RBBP4: variants seen among roughly 807,000 people sequenced by gnomAD.
RBBP4 encodes histone-binding protein RBBP4.
Under a neutral mutation model 57.2 loss-of-function variants are expected in RBBP4, and 3 were observed. That is an observed-to-expected ratio of 0.05 (90% CI 0.02 to 0.14). The LOEUF is 0.14. Ranked by LOEUF, RBBP4 falls within the 10% of genes least tolerant of loss-of-function variation. RBBP4 has a pLI of 1.00. For synonymous variants in RBBP4, 151 were observed against 171.5 expected (o/e 0.88, Z 0.93); for missense variants, 107 against 520.6 (o/e 0.21, Z 7.73).
intron 2 of RBBP4, among the ~76,000 whole-genome samples, chr1:32,653,642 T>TTTG (rs1557849798): frequency 5.0e-5 from 1 of 20,200 alleles, no homozygotes; most frequent in African/African-American, 1.1e-4. Context: ...TTCTGGTTTT[T>TTTG]TTTTTTTTTT....
At chr1:32,658,939 ATAT>A (rs1305985658) in intron 3 of RBBP4, among the ~76,000 whole-genome samples, 5 of 7,220 alleles carry the variant, frequency 6.9e-4, no homozygotes, top group Non-Finnish European at 0.022. Context: ...TTATATTTAT[ATAT>A]AAACATACGT....
At chr1:32,674,443 A>G (rs1649008943) in intron 11 of RBBP4, among the ~76,000 whole-genome samples, 1 of 152,110 alleles carries the variant, frequency 6.6e-6, no homozygotes, top group Non-Finnish European at 1.5e-5. Context: ...CATGTTGGCC[A>G]GTCTGGTCTT....
chr1:32,666,123 A>C (rs1330682577), intron 3 of RBBP4, among the ~76,000 whole-genome samples: 1 of 152,192 alleles, frequency 6.6e-6, no homozygotes, highest in Non-Finnish European at 1.5e-5. Context: ...GGGTGTAGCA[A>C]AATGGAACTG....
chr1:32,657,265 G>A (rs989576574), intron 2 of RBBP4, among the ~76,000 whole-genome samples, 162 bp from the exon 3 acceptor site: 1 of 152,112 alleles, frequency 6.6e-6, no homozygotes, highest in Non-Finnish European at 1.5e-5. Context: ...GAAAGAGTGA[G>A]ACTCTATTTA....
At chr1:32,673,947 A>C (rs1275984922) in intron 11 of RBBP4, among the ~76,000 whole-genome samples, 2 of 151,984 alleles carry the variant, frequency 1.3e-5, no homozygotes, top group African/African-American at 4.8e-5. Flanking sequence ...AAATACAAAA[A>C]AAAATTAGCC....
At chr1:32,674,531 A>C (rs6681759) in intron 11 of RBBP4, among the ~76,000 whole-genome samples, 4 of 150,982 alleles carry the variant, frequency 2.6e-5, no homozygotes, top group South Asian at 2.1e-4. Flanking sequence ...CCCGCCCCCC[A>C]CTTTTTTTTG....
intron 3 of RBBP4, among the ~76,000 whole-genome samples, chr1:32,666,891 A>G (rs1648676949): frequency 6.6e-6 from 1 of 152,238 alleles, no homozygotes. Flanking sequence ...AATATAACCA[A>G]GGAATAACCG....
At chr1:32,651,749 G>GT (rs1394094590) in intron 1 of RBBP4, 165 bp from the exon 2 acceptor site, 1 of 909,578 alleles carries the variant, frequency 1.1e-6, no homozygotes, top group Non-Finnish European at 1.6e-6. Context: ...GGCCCGAGGA[G>GT]TTTCGGCGCC....
At chr1:32,667,427 T>C (rs966446795) in intron 3 of RBBP4, among the ~76,000 whole-genome samples, 2 of 152,136 alleles carry the variant, frequency 1.3e-5, no homozygotes, top group Non-Finnish European at 2.9e-5. Context: ...TATCAATCAC[T>C]TGGACGACTC....
chr1:32,651,671 A>G (rs945450015), intron 1 of RBBP4: 1 of 733,656 alleles, frequency 1.4e-6, no homozygotes, highest in African/African-American at 1.8e-5. Context: ...TTCGGCGCGC[A>G]CGAGCGTGCT....
intron 3 of RBBP4, among the ~76,000 whole-genome samples, chr1:32,665,087 CTTAT>C (rs755275906): frequency 1.3e-4 from 20 of 152,190 alleles, no homozygotes; most frequent in Non-Finnish European, 2.5e-4. Flanking sequence ...GGGAAAAAAA[CTTAT>C]GTGTGACGCA....
intron 2 of RBBP4, among the ~76,000 whole-genome samples, chr1:32,655,652 A>G (rs1297719202): frequency 6.6e-6 from 1 of 152,070 alleles, no homozygotes; most frequent in Non-Finnish European, 1.5e-5. Context: ...TCCCTGGTAT[A>G]TCTTACTGGC....
At chr1:32,676,206 G>T (rs1426143120) in intron 11 of RBBP4, among the ~76,000 whole-genome samples, 2 of 152,136 alleles carry the variant, frequency 1.3e-5, no homozygotes, top group African/African-American at 2.4e-5. Flanking sequence ...TACGGTTAGG[G>T]TTATAAGATA....
chr1:32,667,524 G>A (rs1648706498), intron 3 of RBBP4, among the ~76,000 whole-genome samples: 1 of 152,126 alleles, frequency 6.6e-6, no homozygotes. Flanking sequence ...TCTGCGTCTT[G>A]GTGGTAGTGG....
At chr1:32,652,255 T>C (rs1187700551) in intron 2 of RBBP4, 194 bp downstream of exon 2, 6 of 623,616 alleles carry the variant, frequency 9.6e-6, no homozygotes, top group Non-Finnish European at 1.6e-5. Context: ...AGAAAACATA[T>C]TGGCGTTTTT....
intron 11 of RBBP4, among the ~76,000 whole-genome samples, chr1:32,674,054 T>C (rs1406891924): frequency 2.6e-5 from 4 of 152,098 alleles, no homozygotes; most frequent in Non-Finnish European, 5.9e-5. Flanking sequence ...TGAGCCAAGA[T>C]TGCGTCACTG....
At chr1:32,672,322 CGT>C (rs1026409684) in intron 8 of RBBP4, 126 bp from the exon 9 acceptor site, 2 of 723,464 alleles carry the variant, frequency 2.8e-6, no homozygotes, top group African/African-American at 3.6e-5. Flanking sequence ...TTAACTGTAA[CGT>C]GTATAATACC....
chr1:32,668,469 T>A, intron 4 of RBBP4, 71 bp downstream of exon 4: 1 of 1,384,736 alleles, frequency 7.2e-7, no homozygotes, highest in East Asian at 2.3e-5. Flanking sequence ...ACTGTGAGTT[T>A]AATTGCATGT....
At position 32,661,929 on chromosome 1, in the gene RBBP4, A is replaced by G. The variant is rs184664506; in HGVS notation, c.310+4357A>G. 3.3e-3 allele frequency among the ~76,000 whole-genome samples: 349 copies of G among 107,184 alleles called. 1 individual carries two copies. Among genetic ancestry groups the G allele is most frequent in the African/African-American group, 0.013 (335 of 26,746 alleles). 70.3% of individuals were successfully genotyped at this position (107,184 alleles called of 152,430 possible). On this transcript the variant is annotated intron_variant, in intron 3 of 11. Transcript: ENST00000373493. Reference sequence around the variant, plus strand: ...TTTGAGACAGTCTTGCTCTATCACCAGGCTGGAGTGCAGTGTGGCAATCTC... The same window carrying G: ...TTTGAGACAGTCTTGCTCTATCACCGGGCTGGAGTGCAGTGTGGCAATCTC...
Sources: gnomAD v4.1 joint callset for allele counts (sites outside exome capture counted in the v4.1 genomes callset) on GRCh38, gnomAD v4.1.1 for gene constraint, MANE v1.5 for transcripts, NCBI Gene and HGNC (gene_info 2026-07-23, HGNC 2026-07-21) for gene names.